Variants in ITGB1BP1 observed in about 807,000 individuals in gnomAD.
ITGB1BP1 encodes the protein integrin subunit beta 1 binding protein 1.
Under a neutral mutation model 28.0 loss-of-function variants are expected in ITGB1BP1, and 20 were observed. That is an observed-to-expected ratio of 0.71 (90% confidence interval 0.50 to 1.04). The LOEUF (loss-of-function observed/expected upper bound fraction) is 1.04, where lower values mean the gene tolerates loss of function less well. Among genes scored for constraint, ITGB1BP1 ranks in the 50% least tolerant of loss-of-function variants. ITGB1BP1 has a pLI of 0.00. For missense variants in ITGB1BP1, 228 were observed against 242.5 expected (o/e 0.94, Z 0.40); for synonymous variants, 103 against 89.5 (o/e 1.15, Z -0.85).
At chr2:9,409,351 C>T (rs1266507173) in intron 4 of ITGB1BP1, among the ~76,000 whole-genome samples, 1 of 152,224 alleles carries the variant, frequency 6.6e-6, no homozygotes, top group East Asian at 1.9e-4. Context: ...GCTTGCCAAT[C>T]GCTTCCCACA....
At chr2:9,422,872 C>T in intron 1 of ITGB1BP1, 1 of 985,926 alleles carries the variant, frequency 1.0e-6, no homozygotes, top group Non-Finnish European at 1.2e-6. Flanking sequence ...AGTGACCTGC[C>T]CAGGGTCACC....
At chr2:9,407,731 T>C (rs759545283) in intron 5 of ITGB1BP1, 133 bp from the exon 6 acceptor site, 11 of 961,886 alleles carry the variant, frequency 1.1e-5, no homozygotes, top group Non-Finnish European at 1.7e-5. Flanking sequence ...GGATGTCCTG[T>C]ATGCTCAGTC....
At position 9,423,498 on chromosome 2, in the gene ITGB1BP1, C is replaced by T. The variant is rs1160130932; in HGVS notation, c.-161G>A. ...CGCCGGCTTTTCCAGCCCTCCTGCC[C>T]ACGTCCGCCGGGCCGCGCCTCCAAG... On this transcript the variant is annotated 5_prime_UTR_variant, in exon 1 of 7. Transcript: ENST00000355346. 3.3e-6 allele frequency: 4 copies of T among 1,204,028 alleles called. No individual in the cohort carries two copies. The highest frequency in any genetic ancestry group is 4.2e-6 in the Non-Finnish European group (4 of 949,640). 74.6% of individuals were successfully genotyped at this position (1,204,028 alleles called of 1,614,324 possible).
chr2:9,407,653 C>A (rs1348210291), intron 5 of ITGB1BP1, 55 bp from the exon 6 acceptor site: 4 of 1,589,360 alleles, frequency 2.5e-6, no homozygotes, highest in Non-Finnish European at 2.6e-6. Flanking sequence ...GTTTGTCAGT[C>A]CTGATGACAC....
At chr2:9,420,621 G>A (rs556755102) in intron 1 of ITGB1BP1, among the ~76,000 whole-genome samples, 4 of 152,216 alleles carry the variant, frequency 2.6e-5, no homozygotes, top group East Asian at 1.9e-4. Context: ...AGGCAATGCC[G>A]TGCGGGTGGA....
intron 4 of ITGB1BP1, among the ~76,000 whole-genome samples, chr2:9,411,832 C>T (rs1678439209): frequency 6.6e-6 from 1 of 151,932 alleles, no homozygotes; most frequent in African/African-American, 2.4e-5. Flanking sequence ...CACCTGAGGT[C>T]GGGAGTTCAA....
chr2:9,422,014 T>C (rs543133278), intron 1 of ITGB1BP1, among the ~76,000 whole-genome samples: 1 of 152,204 alleles, frequency 6.6e-6, no homozygotes, highest in African/African-American at 2.4e-5. Context: ...ACAGACACTA[T>C]TTTTTTAGAA....
intron 6 of ITGB1BP1, 37 bp downstream of exon 6, chr2:9,407,412 G>C (rs776737654): frequency 6.2e-7 from 1 of 1,612,824 alleles, no homozygotes; most frequent in Admixed American, 1.7e-5. Flanking sequence ...GTTGCGACTT[G>C]ATGGGCAAGC....
chr2:9,409,118 C>A (rs561369489), intron 4 of ITGB1BP1, among the ~76,000 whole-genome samples: 16 of 152,336 alleles, frequency 1.1e-4, no homozygotes, highest in South Asian at 2.1e-4. Context: ...TCAGGAACCG[C>A]AGATAATCCC....
chr2:9,408,201 T>C lies in ITGB1BP1; in HGVS notation c.293A>G (p.Asp98Gly). The C allele has an allele frequency of 6.3e-7, 1 of 1,576,422 alleles. No homozygotes were observed. The highest frequency in any genetic ancestry group is 8.7e-7 in the Non-Finnish European group (1 of 1,147,074). Residue 98 changes from aspartate (D) to glycine (G), a missense_variant, in exon 5 of 7, where the codon GAT (aspartate) becomes GGT (glycine). Transcript: ENST00000355346. ...LINYIDVAQQ[D>G]GKLPFVPPEE... ...CGGAGGAACAAAAGGCAACTTTCCATCTTGCTTTAAAGTAAAAATAAATTC... is the reference window on the plus strand; with the variant it reads ...CGGAGGAACAAAAGGCAACTTTCCACCTTGCTTTAAAGTAAAAATAAATTC...
Position 9,407,556 on chromosome 2 carries a change from C to G in ITGB1BP1, c.424G>C (p.Val142Leu). ...GCCCCCAGACCGTCATCGTAACACA[C>G]CATCCGGATTATTAAGTAGAGAGCA... ...RHALYLIIRM[V>L]CYDDGLGAGK... Residue 142 changes from valine (V) to leucine (L), a missense_variant, in exon 6 of 7, where the codon GTG (valine) becomes CTG (leucine). Val to Leu is a conservative substitution (Grantham distance 32, BLOSUM62 1). Around this residue, in one of 2 missense-constraint regions of ITGB1BP1, gnomAD observed 192 missense variants for 181.6 expected, o/e 1.06. Coordinates refer to ENST00000355346, the MANE Select transcript of ITGB1BP1 (RefSeq NM_004763.5). 1 of 1,614,170 alleles carries G rather than the reference C, an allele frequency of 6.2e-7. No individual in the cohort carries two copies. The highest frequency in any genetic ancestry group is 8.5e-7 in the Non-Finnish European group (1 of 1,180,032).
intron 1 of ITGB1BP1, chr2:9,422,969 T>C: frequency 1.0e-6 from 1 of 986,676 alleles, no homozygotes; most frequent in Non-Finnish European, 1.2e-6. Context: ...TTGGCACCTG[T>C]CTGTCACCGT....
At chr2:9,417,817 C>T (rs1378484553) in intron 2 of ITGB1BP1, among the ~76,000 whole-genome samples, 3 of 151,926 alleles carry the variant, frequency 2.0e-5, no homozygotes, top group South Asian at 2.1e-4. Flanking sequence ...TGTTAGTTTC[C>T]ACCATCTGAA....
Position 9,414,271 on chromosome 2 carries a change from A to G in ITGB1BP1, c.73-15T>C, listed in dbSNP as rs1284507437. ...GAATCCACAGACTGAGAAACAGAAA[A>G]ACAAGTAAAAAACCTCCACTGAAGC... is the stretch of plus-strand genomic sequence containing the variant. On this transcript the variant is annotated splice_polypyrimidine_tract_variant and intron_variant, in intron 2 of 6. Transcript: ENST00000355346. The G allele has an allele frequency of 1.2e-6, 2 of 1,608,798 alleles. No individual in the cohort carries two copies. The highest frequency in any genetic ancestry group is 1.7e-6 in the Non-Finnish European group (2 of 1,175,276).
intron 2 of ITGB1BP1, among the ~76,000 whole-genome samples, chr2:9,417,237 C>T (rs1389600807): frequency 6.6e-6 from 1 of 152,062 alleles, no homozygotes; most frequent in African/African-American, 2.4e-5. Flanking sequence ...GCTGGTCTCC[C>T]TGCTGTCCCC....
chr2:9,419,136 C>T (rs1198453595), intron 1 of ITGB1BP1, among the ~76,000 whole-genome samples: 1 of 152,192 alleles, frequency 6.6e-6, no homozygotes, highest in Non-Finnish European at 1.5e-5. Flanking sequence ...AAATAAAAAT[C>T]ATCAATTAAC....
At chr2:9,423,540 G>A (rs1380549133), upstream of ITGB1BP1, 7 of 1,153,070 alleles carry the variant, frequency 6.1e-6, no homozygotes, top group East Asian at 6.5e-5. Context: ...CGCAGGCGCA[G>A]TCCTGACGTC....
At chr2:9,422,701 G>C (rs1489994594) in intron 1 of ITGB1BP1, 1 of 985,482 alleles carries the variant, frequency 1.0e-6, no homozygotes, top group African/African-American at 1.7e-5. Context: ...AACTTTCTGG[G>C]GAGGTGACAC....
Position 9,412,396 on chromosome 2 carries a change from T to C in ITGB1BP1, c.161A>G (p.Asn54Ser), listed in dbSNP as rs769451187. The C allele has an allele frequency of 6.2e-7, 1 of 1,607,130 alleles. No homozygotes were observed. The highest frequency in any genetic ancestry group is 8.5e-7 in the Non-Finnish European group (1 of 1,178,274). The change falls in exon 4 of 7, where the codon AAC becomes AGC. Residue 54 changes from asparagine (N) to serine (S), a missense_variant. This residue lies in a region of ITGB1BP1 where 192 missense variants were observed against 181.6 expected (regional missense o/e 1.06). Transcript: ENST00000355346. ...TTCTGCACAGGTATCTGAATTATTG[T>C]TGCTTTGTCCTGAAGATGAAAGAAA... is the stretch of plus-strand genomic sequence containing the variant. ...TDSTKSSGQSNNNSDTCAEFR... is the reference protein window; with the variant it reads ...TDSTKSSGQSSNNSDTCAEFR...
Sources: gnomAD v4.1 joint callset for allele counts (sites outside exome capture counted in the v4.1 genomes callset) on GRCh38, gnomAD v4.1.1 for gene constraint, gnomAD v4.1.1 regional missense constraint, MANE v1.5 for transcripts, NCBI Gene and HGNC (gene_info 2026-07-23, HGNC 2026-07-21) for gene names.